The following BICRAL variants were observed in gnomAD, a reference collection of about 807,000 sequenced individuals.
The protein encoded by BICRAL is BRD4-interacting chromatin-remodeling complex-associated protein-like.
Under a neutral mutation model 91.8 loss-of-function variants are expected in BICRAL, and 8 were observed. That is an observed-to-expected ratio of 0.09 (90% CI 0.05 to 0.16). BICRAL has a LOEUF of 0.16. BICRAL is among the 10% of genes least tolerant of loss of function. The pLI, the probability that BICRAL is intolerant of heterozygous loss-of-function variation, is 1.00. For missense variants in BICRAL, 1,038 were observed against 1,310.9 expected (o/e 0.79, Z 3.21); for synonymous variants, 445 against 491.1 (o/e 0.91, Z 1.24).
At chr6:42,804,518 C>G (rs1019108578) in intron 1 of BICRAL, among the ~76,000 whole-genome samples, 1 of 152,168 alleles carries the variant, frequency 6.6e-6, no homozygotes, top group Non-Finnish European at 1.5e-5. Flanking sequence ...TCATTTTACT[C>G]AAGACCTTTA....
chr6:42,854,600 C>T (rs934704476), intron 8 of BICRAL, among the ~76,000 whole-genome samples: 2 of 152,188 alleles, frequency 1.3e-5, no homozygotes, highest in African/African-American at 4.8e-5. Flanking sequence ...TCACTGAAGC[C>T]TCGATCACCT....
intron 1 of BICRAL, among the ~76,000 whole-genome samples, chr6:42,788,965 A>T (rs1763188532): frequency 6.6e-6 from 1 of 152,162 alleles, no homozygotes; most frequent in Non-Finnish European, 1.5e-5. Context: ...AGTTCACCCA[A>T]AATTCGTGTT....
intron 1 of BICRAL, among the ~76,000 whole-genome samples, chr6:42,799,354 A>T (rs1267819248): frequency 6.9e-6 from 1 of 145,528 alleles, no homozygotes; most frequent in Non-Finnish European, 1.5e-5. Flanking sequence ...GTTGGAGTGC[A>T]GTGGCGCGAT....
intron 1 of BICRAL, among the ~76,000 whole-genome samples, chr6:42,784,628 G>A (rs144405717): frequency 6.6e-6 from 1 of 152,224 alleles, no homozygotes; most frequent in Non-Finnish European, 1.5e-5. Flanking sequence ...AACGTTCATA[G>A]AAGTATAGTA....
At chr6:42,822,193 A>G (rs1363326782) in intron 3 of BICRAL, 130 bp downstream of exon 3, 4 of 582,680 alleles carry the variant, frequency 6.9e-6, no homozygotes, top group Non-Finnish European at 1.2e-5. Context: ...TAGGTTTAGT[A>G]GAGAAACAGA....
intron 6 of BICRAL, among the ~76,000 whole-genome samples, chr6:42,836,730 T>C (rs964331889): frequency 2.0e-5 from 3 of 149,532 alleles, no homozygotes; most frequent in African/African-American, 7.4e-5. Flanking sequence ...CAAGCAATTA[T>C]CTTGCCTCAG....
intron 1 of BICRAL, among the ~76,000 whole-genome samples, chr6:42,783,798 C>CA (rs1763014534): frequency 6.6e-6 from 1 of 152,220 alleles, no homozygotes; most frequent in Non-Finnish European, 1.5e-5. Flanking sequence ...CCTGACCCCG[C>CA]ACCCCCACTC....
intron 1 of BICRAL, among the ~76,000 whole-genome samples, chr6:42,762,909 C>G (rs896516747): frequency 6.7e-6 from 1 of 149,098 alleles, no homozygotes; most frequent in Admixed American, 6.7e-5. Flanking sequence ...GCTTGGGTAA[C>G]AGAGTGAGAC....
intron 1 of BICRAL, among the ~76,000 whole-genome samples, chr6:42,770,465 A>G (rs1224684788): frequency 7.0e-6 from 1 of 143,614 alleles, no homozygotes; most frequent in Non-Finnish European, 1.5e-5. Flanking sequence ...CCCAGACTGG[A>G]GTGCAGTGGC....
chr6:42,857,711 A>G (rs530574500), intron 10 of BICRAL, among the ~76,000 whole-genome samples: 1 of 146,812 alleles, frequency 6.8e-6, no homozygotes, highest in Non-Finnish European at 1.5e-5. Flanking sequence ...CTTTGTATGG[A>G]CTGCCGGCTC....
At chr6:42,825,819 G>A (rs1764281731) in intron 5 of BICRAL, among the ~76,000 whole-genome samples, 1 of 112,368 alleles carries the variant, frequency 8.9e-6, no homozygotes, top group African/African-American at 4.4e-5. Context: ...GCCAGGCACG[G>A]TGGCTCACAC....
chr6:42,818,328 A>G (rs1182247871), intron 2 of BICRAL, among the ~76,000 whole-genome samples: 9 of 152,148 alleles, frequency 5.9e-5, no homozygotes, highest in Non-Finnish European at 1.3e-4. Context: ...AACTGATTAA[A>G]TCTTTGATAT....
chr6:42,766,448 A>G (rs545715422), intron 1 of BICRAL, among the ~76,000 whole-genome samples: 52 of 152,292 alleles, frequency 3.4e-4, no homozygotes, highest in Admixed American at 3.1e-3. Flanking sequence ...GAAACACGCA[A>G]ACTGGCTAAC....
intron 1 of BICRAL, among the ~76,000 whole-genome samples, chr6:42,774,016 T>C (rs994529782): frequency 1.3e-5 from 2 of 152,238 alleles, no homozygotes; most frequent in Non-Finnish European, 2.9e-5. Flanking sequence ...CCAGATGTGA[T>C]TGCATTTCTC....
In BICRAL at chr6:42,852,074, C is replaced by G; in HGVS notation, c.1840-18C>G. On this transcript the variant is annotated intron_variant, in intron 6 of 12. Transcript: ENST00000314073. ...TTAGAAATGAAATTAATGTTTTCAT[C>G]TTTGTCATGTTTCACAGGCTCAGAA... 6.9e-7 allele frequency: 1 copy of G among 1,440,328 alleles called. No homozygotes were observed. Among genetic ancestry groups the G allele is most frequent in the Non-Finnish European group, 9.7e-7 (1 of 1,026,774 alleles). 89.2% of individuals were successfully genotyped at this position (1,440,328 alleles called of 1,614,324 possible).
At chr6:42,756,591 C>G (rs112646731) in intron 1 of BICRAL, among the ~76,000 whole-genome samples, 1 of 152,082 alleles carries the variant, frequency 6.6e-6, no homozygotes, top group African/African-American at 2.4e-5. Context: ...CCAAACACCT[C>G]ATGTTTAGGA....
intron 1 of BICRAL, among the ~76,000 whole-genome samples, chr6:42,797,576 C>T (rs115841533): frequency 2.0e-5 from 3 of 152,206 alleles, no homozygotes; most frequent in Non-Finnish European, 2.9e-5. Context: ...AGAGGACTTA[C>T]GTTTCAGAGG....
chr6:42,794,663 A>C (rs1763369900), intron 1 of BICRAL, among the ~76,000 whole-genome samples: 1 of 151,922 alleles, frequency 6.6e-6, no homozygotes, highest in Non-Finnish European at 1.5e-5. Flanking sequence ...AACTTACTGT[A>C]AGTGGCTGGG....
At chr6:42,840,443 G>A (rs1298176892) in intron 6 of BICRAL, among the ~76,000 whole-genome samples, 4 of 151,694 alleles carry the variant, frequency 2.6e-5, no homozygotes, top group Non-Finnish European at 5.9e-5. Flanking sequence ...GGGTTTCACC[G>A]TGTTAGCCAG....
Sources: allele counts gnomAD v4.1 joint callset (sites outside exome capture counted in the v4.1 genomes callset), GRCh38; gene constraint gnomAD v4.1.1; transcripts MANE v1.5; gene names NCBI Gene and HGNC (gene_info 2026-07-23, HGNC 2026-07-21).